The following UBE2L3 variants were observed in gnomAD, a reference collection of about 807,000 sequenced individuals.
UBE2L3 encodes the protein ubiquitin conjugating enzyme E2 L3.
Under a neutral mutation model 17.8 loss-of-function variants are expected in UBE2L3, and 1 was observed. The ratio of observed to expected loss-of-function variants is 0.06; its 90% confidence interval spans 0.02 to 0.27. UBE2L3 has a LOEUF of 0.27. Among genes scored for constraint, UBE2L3 ranks in the 10% least tolerant of loss-of-function variants. The probability of loss-of-function intolerance (pLI) is 1.00; values close to 1 mark genes in which losing one functional copy is unlikely to be tolerated. For synonymous variants in UBE2L3, 44 were observed against 68.5 expected, an observed-to-expected ratio of 0.64 and a Z score of 1.76; for missense variants, 40 against 192.6, an observed-to-expected ratio of 0.21 and a Z score of 4.69.
In UBE2L3 at chr22:21,597,775, A is replaced by ATTTTTTTTT. The variant is rs35054754; in HGVS notation, c.123+4843_123+4851dup. The stretch of plus-strand genomic sequence containing the variant: ...GGATCTTTGATCCATTTATATGTAG[A>ATTTTTTTTT]TTTTTTTTTTTTTTTTTTTTTTTTT... On this transcript the variant is annotated intron_variant, in intron 2 of 3. Transcript: ENST00000342192. Among the ~76,000 whole-genome samples the ATTTTTTTTT allele has an allele frequency of 7.3e-3, 187 of 25,606 alleles. 48 individuals carry two copies. The highest frequency in any genetic ancestry group is 0.019 in the Admixed American group (25 of 1,300). 16.8% of individuals were successfully genotyped at this position (25,606 alleles called of 152,430 possible).
chr22:21,562,648 G>T (rs1926484582), intron 1 of UBE2L3, among the ~76,000 whole-genome samples: 1 of 149,504 alleles, frequency 6.7e-6, no homozygotes, highest in Non-Finnish European at 1.5e-5. Flanking sequence ...TAGGATTACA[G>T]GCGTGAGCCA....
rs373204393 is a variant in UBE2L3, at chr22:21,586,733, A to G, written c.28-6128A>G. On this transcript the variant is annotated intron_variant, in intron 1 of 3. Transcript: ENST00000342192. ...CAGGAGTCAACCACCATGCCCGGCT[A>G]ATTTTTGTATTTTTAGTAGAGACAG... Among the ~76,000 whole-genome samples, 35 of 151,646 alleles carry G rather than the reference A, an allele frequency of 2.3e-4. No homozygotes were observed. The South Asian group carries it at 7.3e-3, about 32-fold the overall frequency.
chr22:21,574,751 G>A (rs1232777952), intron 1 of UBE2L3, among the ~76,000 whole-genome samples: 7 of 152,148 alleles, frequency 4.6e-5, no homozygotes, highest in African/African-American at 1.7e-4. Context: ...CGGATCATGA[G>A]GTCAGGAGAT....
chr22:21,607,863 A>G (rs1233382841), intron 2 of UBE2L3, among the ~76,000 whole-genome samples: 3 of 152,174 alleles, frequency 2.0e-5, no homozygotes, highest in East Asian at 1.9e-4. Flanking sequence ...TGAGCTGACT[A>G]CTGTTTCTAC....
intron 3 of UBE2L3, among the ~76,000 whole-genome samples, chr22:21,621,307 G>T (rs1220006737): frequency 6.6e-6 from 1 of 152,220 alleles, no homozygotes; most frequent in South Asian, 2.1e-4. Flanking sequence ...TTAGCTATTT[G>T]TTGTCCATCA....
upstream of UBE2L3, chr22:21,567,495 C>T (rs1019662919): frequency 9.6e-6 from 7 of 730,848 alleles, no homozygotes; most frequent in Admixed American, 9.4e-5. Flanking sequence ...TTATTATGCT[C>T]CTACTATGTG....
chr22:21,619,950 G>A (rs376549182), intron 3 of UBE2L3, among the ~76,000 whole-genome samples: 2 of 152,152 alleles, frequency 1.3e-5, no homozygotes, highest in East Asian at 1.9e-4. Flanking sequence ...GCTAGCATTT[G>A]CATTTTAATC....
At chr22:21,562,295 T>C (rs1642579) in intron 1 of UBE2L3, among the ~76,000 whole-genome samples, 50 of 150,252 alleles carry the variant, frequency 3.3e-4, no homozygotes, top group African/African-American at 6.1e-4. Flanking sequence ...CCCGGGTTCA[T>C]GCCATTCTCC....
At chr22:21,600,650 C>A (rs546136830) in intron 2 of UBE2L3, among the ~76,000 whole-genome samples, 2 of 152,170 alleles carry the variant, frequency 1.3e-5, no homozygotes, top group East Asian at 3.9e-4. Flanking sequence ...GAGCCAAGAT[C>A]GCGCCACTGC....
At chr22:21,619,761 G>T (rs570720512) in intron 3 of UBE2L3, among the ~76,000 whole-genome samples, 1 of 152,090 alleles carries the variant, frequency 6.6e-6, no homozygotes. Context: ...GCACGATCTC[G>T]GCTCACTGCA....
rs964713120 is a variant in UBE2L3, at chr22:21,569,917, A to C, written c.27+2146A>C. ...CTCCAAAGCAAAGTCTCCTGCTCTT[A>C]CTTGCTGTCTGATGTCCCTTTGCAC... is the stretch of plus-strand genomic sequence containing the variant. On this transcript the variant is annotated intron_variant, in intron 1 of 3. Coordinates refer to ENST00000342192, the MANE Select transcript of UBE2L3 (RefSeq NM_003347.4). Among the ~76,000 whole-genome samples, 9 of 152,274 alleles carry C rather than the reference A, an allele frequency of 5.9e-5. No homozygotes were observed. The East Asian group carries it at 1.7e-3, about 29-fold the overall frequency.
intron 1 of UBE2L3, among the ~76,000 whole-genome samples, chr22:21,556,456 G>A (rs904026120): frequency 3.9e-5 from 6 of 152,346 alleles, no homozygotes; most frequent in East Asian, 1.9e-4. Context: ...TGGAGACAGG[G>A]TCTTGCTCTG....
At chr22:21,568,407 T>G (rs1166429016) in intron 1 of UBE2L3, 6 of 985,172 alleles carry the variant, frequency 6.1e-6, no homozygotes, top group Non-Finnish European at 7.2e-6. Context: ...AGGCCTGAGG[T>G]CGGCCCCGAT....
intron 1 of UBE2L3, among the ~76,000 whole-genome samples, chr22:21,589,944 G>A (rs947645750): frequency 1.6e-4 from 25 of 152,034 alleles, no homozygotes; most frequent in Non-Finnish European, 2.9e-5. Flanking sequence ...TTCTGGCCAG[G>A]TGTGTGGCTC....
At chr22:21,588,844 A>G (rs1371888616) in intron 1 of UBE2L3, among the ~76,000 whole-genome samples, 4 of 151,220 alleles carry the variant, frequency 2.6e-5, no homozygotes, top group Non-Finnish European at 5.9e-5. Context: ...TTGTATTTTT[A>G]GTAGAGACGG....
chr22:21,579,251 C>T (rs1228524425), intron 1 of UBE2L3, among the ~76,000 whole-genome samples: 4 of 152,076 alleles, frequency 2.6e-5, no homozygotes, highest in African/African-American at 9.7e-5. Flanking sequence ...CTCGGCCTCC[C>T]AAAGTGCTGG....
chr22:21,561,677 G>GT lies in UBE2L3; in HGVS notation c.201+12028dup, dbSNP rs1378684624. 5.9e-5 allele frequency among the ~76,000 whole-genome samples: 9 copies of GT among 152,400 alleles called. No individual in the cohort carries two copies. The East Asian group carries it at 1.5e-3, about 26-fold the overall frequency. The stretch of plus-strand genomic sequence containing the variant: ...TGCCACGATGGACATGGGGAGTGTA[G>GT]TGGGAGGGAATGGCAAAGGCACCAC... On this transcript the variant is annotated intron_variant, in intron 1 of 3. Transcript: ENST00000458578.
At chr22:21,580,925 C>T (rs1469366774) in intron 1 of UBE2L3, among the ~76,000 whole-genome samples, 1 of 151,796 alleles carries the variant, frequency 6.6e-6, no homozygotes, top group African/African-American at 2.4e-5. Context: ...GTTGCCCAGG[C>T]TGGAGTGCAG....
intron 1 of UBE2L3, among the ~76,000 whole-genome samples, chr22:21,568,858 C>T (rs950075179): frequency 2.6e-5 from 4 of 152,166 alleles, no homozygotes; most frequent in South Asian, 2.1e-4. Flanking sequence ...TCTGAGCATT[C>T]CCTCCGTCCC....
Sources: allele counts gnomAD v4.1 joint callset (sites outside exome capture counted in the v4.1 genomes callset), GRCh38; gene constraint gnomAD v4.1.1; transcripts MANE v1.5; gene names NCBI Gene and HGNC (gene_info 2026-07-23, HGNC 2026-07-21).